Variants in PPARGC1A observed in about 807,000 individuals in gnomAD.
PPARGC1A encodes the protein peroxisome proliferator-activated receptor gamma coactivator 1-alpha.
In PPARGC1A, 25 loss-of-function variants were observed where a neutral mutation model predicts 88.7. The ratio of observed to expected loss-of-function variants is 0.28; its 90% CI spans 0.21 to 0.39. PPARGC1A has a LOEUF of 0.39. Ranked by LOEUF, PPARGC1A falls within the 10% of genes least tolerant of loss-of-function variation. PPARGC1A has a pLI of 1.00. For synonymous variants in PPARGC1A, 363 were observed against 355.6 expected (o/e 1.02, Z -0.24); for missense variants, 880 against 968.7 (o/e 0.91, Z 1.22).
chr4:24,259,971 G>A, the PPARGC1A span, among the ~76,000 whole-genome samples: 1 of 152,126 alleles, frequency 6.6e-6, no homozygotes, highest in Admixed American at 6.5e-5. Flanking sequence ...GGGTGACCTG[G>A]CTTCTTGGCC....
the PPARGC1A span, among the ~76,000 whole-genome samples, chr4:23,992,716 A>G: frequency 6.6e-6 from 1 of 151,932 alleles, no homozygotes; most frequent in Non-Finnish European, 1.5e-5. Context: ...TTTTATACCC[A>G]CTTGTATCAA....
chr4:24,098,414 A>G, the PPARGC1A span, among the ~76,000 whole-genome samples: 6 of 152,324 alleles, frequency 3.9e-5, no homozygotes, highest in East Asian at 1.2e-3. Flanking sequence ...AATTTAATCA[A>G]TTTATGTGAT....
chr4:23,911,101 G>A, the PPARGC1A span, among the ~76,000 whole-genome samples: 1 of 152,170 alleles, frequency 6.6e-6, no homozygotes, highest in Non-Finnish European at 1.5e-5. Context: ...TGGAATCAAT[G>A]AGTCTGGAGT....
the PPARGC1A span, among the ~76,000 whole-genome samples, chr4:23,947,394 TATAA>T: frequency 2.4e-3 from 28 of 11,480 alleles, no homozygotes; most frequent in African/African-American, 4.1e-3. Flanking sequence ...TATATATATA[TATAA>T]AAAAAACGGT....
chr4:23,996,668 T>C, the PPARGC1A span, among the ~76,000 whole-genome samples: 2 of 152,172 alleles, frequency 1.3e-5, no homozygotes, highest in African/African-American at 4.8e-5. Flanking sequence ...AGGAAACCTA[T>C]AAAGATTTAG....
the PPARGC1A span, among the ~76,000 whole-genome samples, chr4:24,332,085 A>G: frequency 6.6e-6 from 1 of 151,246 alleles, no homozygotes; most frequent in Non-Finnish European, 1.5e-5. Flanking sequence ...CATTTTTCAC[A>G]ACTGAGTTCT....
At chr4:24,436,585 G>C in the PPARGC1A span, among the ~76,000 whole-genome samples, 2 of 110,482 alleles carry the variant, frequency 1.8e-5, no homozygotes, top group African/African-American at 7.2e-5. Context: ...CCCAGAGCCC[G>C]GGTCACAGAG....
the PPARGC1A span, among the ~76,000 whole-genome samples, chr4:24,031,295 C>T: frequency 6.6e-6 from 1 of 152,172 alleles, no homozygotes; most frequent in Non-Finnish European, 1.5e-5. Flanking sequence ...TTTCTGGCCC[C>T]TTAATAGATG....
At chr4:24,189,579 C>A in the PPARGC1A span, among the ~76,000 whole-genome samples, 1 of 152,104 alleles carries the variant, frequency 6.6e-6, no homozygotes, top group Non-Finnish European at 1.5e-5. Flanking sequence ...CTAATCACCT[C>A]TACTACAAAT....
At chr4:24,335,550 T>C in the PPARGC1A span, among the ~76,000 whole-genome samples, 1 of 152,180 alleles carries the variant, frequency 6.6e-6, no homozygotes, top group South Asian at 2.1e-4. Flanking sequence ...ATTTTATGGA[T>C]TGGTTCATAG....
chr4:23,914,315 C>A, the PPARGC1A span, among the ~76,000 whole-genome samples: 1 of 152,210 alleles, frequency 6.6e-6, no homozygotes, highest in African/African-American at 2.4e-5. Flanking sequence ...ATAAGACAAT[C>A]ATAGAGACAT....
the PPARGC1A span, among the ~76,000 whole-genome samples, chr4:24,240,242 G>A: frequency 1.2e-4 from 19 of 152,160 alleles, no homozygotes; most frequent in Non-Finnish European, 2.5e-4. Context: ...TAAATCAGAG[G>A]CATAGAGACA....
At chr4:23,962,919 CAGA>C in the PPARGC1A span, among the ~76,000 whole-genome samples, 2 of 152,180 alleles carry the variant, frequency 1.3e-5, no homozygotes, top group Middle Eastern at 3.2e-3. Context: ...TCCTTTCATT[CAGA>C]AGAACACTCG....
chr4:24,145,839 C>A, the PPARGC1A span, among the ~76,000 whole-genome samples: 1 of 152,126 alleles, frequency 6.6e-6, no homozygotes, highest in African/African-American at 2.4e-5. Context: ...CTAAACTTCA[C>A]TATATTATCG....
rs1560428811 is a variant in PPARGC1A, at chr4:23,844,764, A to AATATATGATATATATTATT, written c.235-13014_235-13013insAATAATATATATCATATAT. 5.2e-3 allele frequency among the ~76,000 whole-genome samples: 238 copies of AATATATGATATATATTATT among 45,644 alleles called. 12 individuals are homozygous for AATATATGATATATATTATT. Among genetic ancestry groups the AATATATGATATATATTATT allele is most frequent in the African/African-American group, 0.024 (212 of 8,834 alleles). 29.9% of individuals were successfully genotyped at this position (45,644 alleles called of 152,430 possible). Reference sequence around the variant, plus strand: ...TATCATAATATATGATATATATTATAATAATATATGATATATATTATAATA... The same window carrying AATATATGATATATATTATT: ...TATCATAATATATGATATATATTATAATATATGATATATATTATTATAATATATGATATATATTATAATA... On this transcript the variant is annotated intron_variant, in intron 2 of 12. Transcript: ENST00000264867.
chr4:24,120,647 T>C, the PPARGC1A span, among the ~76,000 whole-genome samples: 2 of 152,074 alleles, frequency 1.3e-5, no homozygotes, highest in Admixed American at 1.3e-4. Context: ...ACCAAGGTGA[T>C]GGTATTGGGA....
the PPARGC1A span, among the ~76,000 whole-genome samples, chr4:24,354,778 T>C: frequency 6.6e-6 from 1 of 151,988 alleles, no homozygotes; most frequent in African/African-American, 2.4e-5. Context: ...TCCCAGCTAC[T>C]CGGGAGGCTG....
the PPARGC1A span, among the ~76,000 whole-genome samples, chr4:24,370,025 A>G: frequency 2.6e-5 from 4 of 152,234 alleles, no homozygotes; most frequent in Non-Finnish European, 4.4e-5. Flanking sequence ...ATAAGCCTCT[A>G]CATTAAACTT....
the PPARGC1A span, among the ~76,000 whole-genome samples, chr4:24,273,151 G>T: frequency 6.6e-6 from 1 of 152,140 alleles, no homozygotes; most frequent in Admixed American, 6.5e-5. Flanking sequence ...ATCGAGAGCA[G>T]CTTCTCCAAT....
Sources: gnomAD v4.1 joint callset for allele counts (sites outside exome capture counted in the v4.1 genomes callset) on GRCh38, gnomAD v4.1.1 for gene constraint, MANE v1.5 for transcripts, NCBI Gene and HGNC (gene_info 2026-07-23, HGNC 2026-07-21) for gene names.